HELZ: variants seen among roughly 807,000 people sequenced by gnomAD.
HELZ encodes the protein helicase with zinc finger, also known as ATP-dependent RNA helicase with zinc finger domain.
Under a neutral mutation model 218.2 loss-of-function variants are expected in HELZ, and 23 were observed. That is an observed-to-expected ratio of 0.11 (90% confidence interval 0.08 to 0.15). The LOEUF (loss-of-function observed/expected upper bound fraction) is 0.15, where lower values mean the gene tolerates loss of function less well. Among genes scored for constraint, HELZ ranks in the 10% least tolerant of loss-of-function variants. HELZ has a pLI of 1.00. For missense variants in HELZ, 1,813 were observed against 2,353.7 expected, an observed-to-expected ratio of 0.77 and a Z score of 4.75; for synonymous variants, 814 against 829.4, an observed-to-expected ratio of 0.98 and a Z score of 0.32.
rs1033727093 is a variant in HELZ, at chr17:67,244,562, G to T, written c.-132+586C>A. On this transcript the variant is annotated intron_variant, in intron 1 of 32. Transcript: ENST00000358691. ...TTTGTTGATGTGCTTGTGGGCCAAA[G>T]AGCATTTCCGAGGAGGGGGCGGGGA... 1.2e-5 allele frequency: 11 copies of T among 937,814 alleles called. No homozygotes were observed. The East Asian group carries it at 1.3e-3, about 111-fold the overall frequency. 58.1% of individuals were successfully genotyped at this position (937,814 alleles called of 1,614,324 possible).
At chr17:67,140,549 A>C (rs773872835) in intron 21 of HELZ, among the ~76,000 whole-genome samples, 13 of 152,224 alleles carry the variant, frequency 8.5e-5, no homozygotes, top group Non-Finnish European at 1.6e-4. Context: ...AACAGAGAGA[A>C]AAAGTAATGC....
chr17:67,186,981 A>G (rs2039773666), intron 12 of HELZ, among the ~76,000 whole-genome samples: 1 of 152,136 alleles, frequency 6.6e-6, no homozygotes, highest in African/African-American at 2.4e-5. Flanking sequence ...TTTTATTGGA[A>G]CACAGTCACA....
intron 3 of HELZ, among the ~76,000 whole-genome samples, chr17:67,237,310 T>C (rs1023943071): frequency 6.6e-6 from 1 of 152,190 alleles, no homozygotes; most frequent in Non-Finnish European, 1.5e-5. Context: ...TTTTGATTTA[T>C]TTATTAGTTT....
chr17:67,226,362 C>G (rs1171246621), intron 3 of HELZ, among the ~76,000 whole-genome samples: 1 of 151,142 alleles, frequency 6.6e-6, no homozygotes. Flanking sequence ...ACAGATACTC[C>G]CAAACAGGAT....
chr17:67,241,300 C>A (rs559975447), intron 2 of HELZ, among the ~76,000 whole-genome samples: 8 of 152,136 alleles, frequency 5.3e-5, no homozygotes, highest in African/African-American at 1.9e-4. Flanking sequence ...ACACCTGGCC[C>A]GAAATCTTCT....
intron 17 of HELZ, among the ~76,000 whole-genome samples, chr17:67,154,458 AAAT>A (rs2038780176): frequency 6.6e-6 from 1 of 152,134 alleles, no homozygotes; most frequent in Non-Finnish European, 1.5e-5. Context: ...TTAAAAAGTA[AAAT>A]AAAAGAGTAA....
intron 21 of HELZ, among the ~76,000 whole-genome samples, chr17:67,139,741 C>T (rs559677230): frequency 6.6e-6 from 1 of 152,330 alleles, no homozygotes; most frequent in South Asian, 2.1e-4. Flanking sequence ...TGGACTGCCC[C>T]CTTTCCCCCA....
chr17:67,129,420 ATG>A (rs975695592), intron 23 of HELZ, among the ~76,000 whole-genome samples: 1 of 151,924 alleles, frequency 6.6e-6, no homozygotes, highest in Non-Finnish European at 1.5e-5. Context: ...TGTGTAATCT[ATG>A]TGTGTGTGTA....
chr17:67,245,243 C>CCCCGACT, upstream of HELZ: 3 of 982,560 alleles, frequency 3.1e-6, no homozygotes, highest in South Asian at 9.1e-5. Flanking sequence ...TCCCCCCGGC[C>CCCCGACT]CCCGACTCCC....
intron 2 of HELZ, among the ~76,000 whole-genome samples, chr17:67,240,205 A>T (rs2041283930): frequency 6.6e-6 from 1 of 152,220 alleles, no homozygotes; most frequent in Non-Finnish European, 1.5e-5. Flanking sequence ...GAAAATAAGA[A>T]CAGAATAGTC....
chr17:67,209,248 C>A (rs1035292029), intron 5 of HELZ, among the ~76,000 whole-genome samples: 2 of 151,912 alleles, frequency 1.3e-5, no homozygotes, highest in African/African-American at 4.8e-5. Context: ...TAATACAGTT[C>A]TTTTTGTGCC....
At position 67,190,457 on chromosome 17, in the gene HELZ, T is replaced by C. The variant is rs533061141; in HGVS notation, c.558-102A>G. 3 of 829,636 alleles carry C rather than the reference T, an allele frequency of 3.6e-6. No individual in the cohort carries two copies. The Admixed American group carries it at 7.0e-5, about 19-fold the overall frequency. The allele number at this position is 829,636 out of a possible 1,614,324, so 51.4% of individuals were successfully genotyped here. ...CTGATTCTTCAATAAAAACAAAACT[T>C]CATGTGCTGAAAGGCCATATTTATC... On this transcript the variant is annotated intron_variant, in intron 9 of 32. Transcript: ENST00000358691.
At chr17:67,105,191 T>C (rs1415777789) in intron 31 of HELZ, among the ~76,000 whole-genome samples, 1 of 152,176 alleles carries the variant, frequency 6.6e-6, no homozygotes, top group Non-Finnish European at 1.5e-5. Flanking sequence ...AGGATGGTTA[T>C]AATTTTTTTT....
Position 67,227,695 on chromosome 17 carries a change from T to A in HELZ, c.-18-8873A>T, listed in dbSNP as rs546425937. Among the ~76,000 whole-genome samples the A allele has an allele frequency of 2.0e-5, 3 of 152,240 alleles. No individual in the cohort carries two copies. In the South Asian group the frequency reaches 6.2e-4, roughly 32 times the overall value. ...TTTGAAGAATTGCATCATAGCTAGA[T>A]GGTTGGTCCAGGACCAAAAGTAAAT... On this transcript the variant is annotated intron_variant, in intron 3 of 32. Coordinates refer to ENST00000358691, the MANE Select transcript of HELZ (RefSeq NM_014877.4).
At chr17:67,092,755 C>T (rs2036609160) in intron 31 of HELZ, among the ~76,000 whole-genome samples, 1 of 152,164 alleles carries the variant, frequency 6.6e-6, no homozygotes, top group African/African-American at 2.4e-5. Flanking sequence ...CACCTGAGGT[C>T]AGGAGTTTGA....
chr17:67,172,494 T>C (rs1158328692), intron 13 of HELZ, among the ~76,000 whole-genome samples: 1 of 152,022 alleles, frequency 6.6e-6, no homozygotes, highest in Non-Finnish European at 1.5e-5. Flanking sequence ...AATCTGATTT[T>C]TCCCAAGCAC....
intron 5 of HELZ, among the ~76,000 whole-genome samples, chr17:67,206,761 G>A (rs566419550): frequency 3.0e-4 from 46 of 151,916 alleles, no homozygotes; most frequent in Admixed American, 6.6e-4. Flanking sequence ...CACCATACTC[G>A]GCTAATTTTG....
intron 20 of HELZ, among the ~76,000 whole-genome samples, chr17:67,146,203 T>C (rs143824647): frequency 5.3e-5 from 8 of 152,316 alleles, no homozygotes; most frequent in African/African-American, 1.9e-4. Flanking sequence ...GGTTAATTTT[T>C]TTTTATTTAA....
At chr17:67,142,408 G>A (rs988011733) in intron 21 of HELZ, among the ~76,000 whole-genome samples, 1 of 152,114 alleles carries the variant, frequency 6.6e-6, no homozygotes, top group African/African-American at 2.4e-5. Context: ...TTAGGAGGCT[G>A]AGGTGGGAAG....
Sources: allele counts gnomAD v4.1 joint callset (sites outside exome capture counted in the v4.1 genomes callset), GRCh38; gene constraint gnomAD v4.1.1; transcripts MANE v1.5; gene names NCBI Gene and HGNC (gene_info 2026-07-23, HGNC 2026-07-21).